RIGI: variants seen among roughly 807,000 people sequenced by gnomAD.
The protein encoded by RIGI is RNA sensor RIG-I.
At chr9:32,460,275 G>A in the RIGI span, among the ~76,000 whole-genome samples, 1 of 152,122 alleles carries the variant, frequency 6.6e-6, no homozygotes, top group Non-Finnish European at 1.5e-5. Context: ...CTTTGTCAGT[G>A]GCATGAAAAC....
At chr9:32,493,871 A>G in the RIGI span, 4 of 1,611,122 alleles carry the variant, frequency 2.5e-6, no homozygotes, top group Non-Finnish European at 3.4e-6. Flanking sequence ...TTTAAAAGTA[A>G]TCTATACTCC....
the RIGI span, chr9:32,480,235 A>G: frequency 6.2e-7 from 1 of 1,602,302 alleles, no homozygotes; most frequent in Non-Finnish European, 8.5e-7. Context: ...ATCTCTGAGT[A>G]AGATCTTGCT....
chr9:32,496,613 C>CAT, the RIGI span, among the ~76,000 whole-genome samples: 294 of 152,300 alleles, frequency 1.9e-3, no homozygotes, highest in Middle Eastern at 0.01. Context: ...GATCATGGGA[C>CAT]ATCTCAGCCT....
chr9:32,499,316 G>GTTTTTTTTTTTTTTTT, the RIGI span, among the ~76,000 whole-genome samples: 116 of 57,638 alleles, frequency 2.0e-3, no homozygotes, highest in Non-Finnish European at 2.7e-3. Context: ...TTTGTGATTT[G>GTTTTTTTTTTTTTTTT]TTTTTTTTTT....
chr9:32,477,037 G>A, the RIGI span: 17 of 1,614,188 alleles, frequency 1.1e-5, no homozygotes, highest in East Asian at 8.9e-5. Flanking sequence ...CTGGGTTTAA[G>A]TGGTACTCTT....
the RIGI span, among the ~76,000 whole-genome samples, chr9:32,498,137 A>G: frequency 3.3e-5 from 5 of 152,144 alleles, no homozygotes; most frequent in African/African-American, 1.2e-4. Flanking sequence ...CTTCTTCCTG[A>G]TAAGAGACCA....
chr9:32,464,500 C>T, the RIGI span, among the ~76,000 whole-genome samples: 1 of 152,184 alleles, frequency 6.6e-6, no homozygotes, highest in Non-Finnish European at 1.5e-5. Context: ...CGCCATTCTC[C>T]TGCCTCAGCC....
chr9:32,489,441 A>G, the RIGI span: 2 of 1,611,482 alleles, frequency 1.2e-6, no homozygotes, highest in Middle Eastern at 1.7e-4. Flanking sequence ...ACAAGTTTGT[A>G]TCAGACACTT....
chr9:32,462,404 C>CTT, the RIGI span, among the ~76,000 whole-genome samples: 627 of 85,892 alleles, frequency 7.3e-3, 20 homozygotes, highest in Middle Eastern at 0.033. Context: ...TTAGATCTAG[C>CTT]TTTTTTTTTT....
chr9:32,511,293 GCAC>G, the RIGI span, among the ~76,000 whole-genome samples: 1,949 of 152,162 alleles, frequency 0.013, 29 homozygotes, highest in Non-Finnish European at 0.015. Flanking sequence ...ATTCTTCTCA[GCAC>G]CACATCATAC....
chr9:32,473,327 G>A, the RIGI span, among the ~76,000 whole-genome samples: 2 of 121,392 alleles, frequency 1.6e-5, no homozygotes, highest in Admixed American at 1.1e-4. Context: ...TTGGTCTACC[G>A]CCTAGGCTGG....
chr9:32,495,175 T>G, the RIGI span, among the ~76,000 whole-genome samples: 2 of 152,124 alleles, frequency 1.3e-5, no homozygotes, highest in Non-Finnish European at 2.9e-5. Context: ...CTCCACATCC[T>G]CACCTATATG....
At chr9:32,496,008 G>T in the RIGI span, among the ~76,000 whole-genome samples, 1 of 152,098 alleles carries the variant, frequency 6.6e-6, no homozygotes, top group Non-Finnish European at 1.5e-5. Context: ...CCCTTATCAG[G>T]TATATGATTT....
the RIGI span, among the ~76,000 whole-genome samples, chr9:32,464,876 T>G: frequency 3.3e-5 from 5 of 152,150 alleles, no homozygotes; most frequent in African/African-American, 7.2e-5. Flanking sequence ...CAAATGCTAT[T>G]ACATAGCCTG....
chr9:32,456,437 A>C, the RIGI span: 1 of 152,272 alleles, frequency 6.6e-6, no homozygotes, highest in Non-Finnish European at 1.5e-5. Context: ...ACGTTGCTAC[A>C]CCAGGAACAT....
At chr9:32,489,606 T>C in the RIGI span, among the ~76,000 whole-genome samples, 2 of 152,054 alleles carry the variant, frequency 1.3e-5, no homozygotes, top group Admixed American at 1.3e-4. Context: ...TTCTAGCTTT[T>C]CCACTAATTT....
At chr9:32,492,693 C>A in the RIGI span, among the ~76,000 whole-genome samples, 2 of 152,266 alleles carry the variant, frequency 1.3e-5, no homozygotes, top group South Asian at 4.1e-4. Context: ...TTGCCCCATC[C>A]AACACAGTCT....
the RIGI span, chr9:32,477,079 A>G: frequency 6.2e-7 from 1 of 1,614,148 alleles, no homozygotes. Context: ...CTTCAAGTTT[A>G]GGATTCTCAT....
chr9:32,489,516 C>T, the RIGI span: 12 of 964,426 alleles, frequency 1.2e-5, no homozygotes, highest in African/African-American at 2.0e-4. Flanking sequence ...GCAATAGCTA[C>T]AGTCTAATGT....
Sources: allele counts gnomAD v4.1 joint callset (sites outside exome capture counted in the v4.1 genomes callset), GRCh38; gene constraint gnomAD v4.1.1; transcripts MANE v1.5; gene names NCBI Gene and HGNC (gene_info 2026-07-23, HGNC 2026-07-21).